KIFC1: variants seen among roughly 807,000 people sequenced by gnomAD.
KIFC1 encodes kinesin-like protein KIFC1.
In KIFC1, 37 loss-of-function variants were observed where a neutral mutation model predicts 66.6. The ratio of observed to expected loss-of-function variants is 0.56; its 90% CI spans 0.43 to 0.73. KIFC1 has a LOEUF of 0.73. KIFC1 is among the 30% of genes least tolerant of loss of function. The pLI is 0.00. For synonymous variants in KIFC1, 325 were observed against 343.5 expected (o/e 0.95, Z 0.60); for missense variants, 721 against 859.8 (o/e 0.84, Z 2.02).
Position 33,403,305 on chromosome 6 carries a change from C to G in KIFC1, c.251-9C>G, listed in dbSNP as rs376327627. The G allele has an allele frequency of 6.2e-7, 1 of 1,612,190 alleles. No homozygotes were observed. Among genetic ancestry groups the G allele is most frequent in the Non-Finnish European group, 8.5e-7 (1 of 1,179,254 alleles). On this transcript the variant is annotated splice_polypyrimidine_tract_variant and intron_variant, in intron 3 of 10. Transcript: ENST00000428849. The surrounding 1 kb of genome is among the most constrained non-coding windows in gnomAD (Gnocchi z 4.6). ...ATTCTACCTTTGCTCTCTCCCATCT[C>G]CTGGGCAGCTCAAAAAGTTTCCAAG...
Position 33,403,996 on chromosome 6 carries a change from A to G in KIFC1, c.623A>G (p.Asn208Ser). 6.2e-7 allele frequency: 1 copy of G among 1,614,218 alleles called. No individual in the cohort carries two copies. Among genetic ancestry groups the G allele is most frequent in the East Asian group, 2.2e-5 (1 of 44,878 alleles). The change falls in exon 6 of 11, where the codon AAC becomes AGC. Residue 208 changes from asparagine (N) to serine (S), a missense_variant. Transcript: ENST00000428849. This position sits in a 1 kb window ranked among gnomAD's most constrained non-coding sequence, Gnocchi z 4.6. ...GAGCAGGGCCAACAGGAGCTGAAGA[A>G]CTTGCGTGCTTGTGTCCTGGAGCTG... ...QAEQGQQELK[N>S]LRACVLELEE...
intron 10 of KIFC1, among the ~76,000 whole-genome samples, chr6:33,407,729 G>C (rs1775727086): frequency 6.6e-6 from 1 of 152,224 alleles, no homozygotes; most frequent in African/African-American, 2.4e-5. Flanking sequence ...AACCTCATGA[G>C]GGTCAGCCAG....
chr6:33,396,774 C>T (rs539782637), intron 1 of KIFC1, among the ~76,000 whole-genome samples: 263 of 151,606 alleles, frequency 1.7e-3, no homozygotes, highest in Non-Finnish European at 3.2e-3. Context: ...CTCCGCCTCC[C>T]GGGTTCACGC....
Position 33,406,924 on chromosome 6 carries a change from G to A in KIFC1, c.1977+49G>A. 6.2e-7 allele frequency: 1 copy of A among 1,611,802 alleles called. No individual in the cohort carries two copies. The highest frequency in any genetic ancestry group is 8.5e-7 in the Non-Finnish European group (1 of 1,178,940). ...TGTCAGGACCCGTGGGTGGTTGTAG[G>A]CTTCTCCATTCCAATCCCTTTTGTC... On this transcript the variant is annotated intron_variant, in intron 10 of 10. Coordinates refer to ENST00000428849, the MANE Select transcript of KIFC1 (RefSeq NM_002263.4). This position sits in a 1 kb window ranked among gnomAD's most constrained non-coding sequence, Gnocchi z 4.5.
rs1775649758 is a variant in KIFC1 at position 33,406,294 on chromosome 6, G to A, written c.1635G>A (p.Gln545=). ...GCAGCCACAGTGTATTCCAGCTACA[G>A]ATTTCTGGGGAGCACTCCAGCCGAG... ...SSRSHSVFQL[Q]ISGEHSSRGL... is the part of the protein sequence containing the mutation. The change falls in exon 8 of 11, where the codon CAG becomes CAA. Residue 545 remains glutamine (Q), a synonymous_variant. Coordinates refer to ENST00000428849, the MANE Select transcript of KIFC1 (RefSeq NM_002263.4). The surrounding 1 kb of genome is among the most constrained non-coding windows in gnomAD (Gnocchi z 4.5). The A allele has an allele frequency of 6.2e-7, 1 of 1,614,256 alleles. No individual in the cohort carries two copies. Among genetic ancestry groups the A allele is most frequent in the South Asian group, 1.1e-5 (1 of 91,084 alleles).
At chr6:33,402,223 A>G (rs1372834122) in intron 3 of KIFC1, among the ~76,000 whole-genome samples, 1 of 152,208 alleles carries the variant, frequency 6.6e-6, no homozygotes, top group Non-Finnish European at 1.5e-5. Flanking sequence ...TTATATCAGA[A>G]TCACCACAAA....
At chr6:33,399,038 T>C (rs1365143800) in intron 3 of KIFC1, among the ~76,000 whole-genome samples, 3 of 152,244 alleles carry the variant, frequency 2.0e-5, no homozygotes, top group African/African-American at 7.2e-5. Flanking sequence ...GGAGTACAGT[T>C]GGCCCTCTGT....
rs1044866439 is a variant in KIFC1, at chr6:33,400,907, T to C, written c.251-2407T>C. On this transcript the variant is annotated intron_variant, in intron 3 of 10. Coordinates refer to ENST00000428849, the MANE Select transcript of KIFC1 (RefSeq NM_002263.4). The surrounding 1 kb of genome is among the most constrained non-coding windows in gnomAD (Gnocchi z 4.3). ...GACCTCGTGATCTGCCTGCCTCAGC[T>C]TCCCAAAGTGTTGGGATTACAGGCG... Among the ~76,000 whole-genome samples, 1 of 151,924 alleles carries C rather than the reference T, an allele frequency of 6.6e-6. No individual in the cohort carries two copies. Among genetic ancestry groups the C allele is most frequent in the East Asian group, 2.0e-4 (1 of 5,086 alleles).
rs545493346 is a variant in KIFC1, at chr6:33,403,444, A to G, written c.305-41A>G. 1 of 1,611,144 alleles carries G rather than the reference A, an allele frequency of 6.2e-7. No homozygotes were observed. Among genetic ancestry groups the G allele is most frequent in the African/African-American group, 1.3e-5 (1 of 74,982 alleles). ...GGGAGAATGATGGAGGTGGAGGGAC[A>G]CTGGTCCTGTAATTCCTAAGTCACC... is the stretch of plus-strand genomic sequence containing the variant. On this transcript the variant is annotated intron_variant, in intron 4 of 10. Transcript: ENST00000428849. This position sits in a 1 kb window ranked among gnomAD's most constrained non-coding sequence, Gnocchi z 4.6.
chr6:33,396,964 A>C (rs894412595), intron 1 of KIFC1, among the ~76,000 whole-genome samples: 3 of 143,310 alleles, frequency 2.1e-5, no homozygotes, highest in Non-Finnish European at 4.5e-5. Flanking sequence ...TTATAGGCAT[A>C]AGCCACCGCG....
At chr6:33,398,786 A>G (rs1775224867) in intron 3 of KIFC1, among the ~76,000 whole-genome samples, 3 of 152,080 alleles carry the variant, frequency 2.0e-5, no homozygotes, top group Admixed American at 2.0e-4. Context: ...AGGTAATAAC[A>G]TTTCATTTGG....
rs1775828109 is a variant in KIFC1, at chr6:33,409,675, G to T, written c.2007G>T (p.Gln669His). Residue 669 changes from glutamine (Q) to histidine (H), a missense_variant, in exon 11 of 11, where the codon CAG becomes CAT. Physicochemically the swap from Gln to His is conservative, Grantham distance 24 (BLOSUM62 0). Coordinates refer to ENST00000428849, the MANE Select transcript of KIFC1 (RefSeq NM_002263.4). ...KVNQCVIGTA[Q>H]ANRK ...ACCAGTGTGTTATTGGTACTGCTCAGGCCAACAGGAAGTGAAGACGGATCC... is the reference window on the plus strand; with the variant it reads ...ACCAGTGTGTTATTGGTACTGCTCATGCCAACAGGAAGTGAAGACGGATCC... 1 of 1,609,060 alleles carries T rather than the reference G, an allele frequency of 6.2e-7. No homozygotes were observed. Among genetic ancestry groups the T allele is most frequent in the Non-Finnish European group, 8.5e-7 (1 of 1,178,486 alleles).
Position 33,406,577 on chromosome 6 carries a change from A to C in KIFC1, c.1828-15A>C. The C allele has an allele frequency of 6.2e-7, 1 of 1,614,030 alleles. No homozygotes were observed. The highest frequency in any genetic ancestry group is 8.5e-7 in the Non-Finnish European group (1 of 1,179,948). On this transcript the variant is annotated splice_polypyrimidine_tract_variant and intron_variant, in intron 8 of 10. Coordinates refer to ENST00000428849, the MANE Select transcript of KIFC1 (RefSeq NM_002263.4). The surrounding 1 kb of genome is among the most constrained non-coding windows in gnomAD (Gnocchi z 4.5). ...TGCCTATTCCTAAACATCTGTCCCC[A>C]CCTCAATCATCTAGGAGTCCCACGT...
chr6:33,409,498 A>G (rs995272847), intron 10 of KIFC1, 148 bp from the exon 11 acceptor site: 7 of 801,914 alleles, frequency 8.7e-6, no homozygotes, highest in Admixed American at 5.3e-5. Flanking sequence ...AGAACAAACC[A>G]TAACTGGCAC....
At position 33,404,811 on chromosome 6, in the gene KIFC1, G is replaced by A; in HGVS notation, c.757-41G>A. ...CCACAGTTTGTTCTTCTTCTTGGTT[G>A]CATCTTACCCTCTGTGTATGTTGTG... On this transcript the variant is annotated intron_variant, in intron 6 of 10. Transcript: ENST00000428849. The surrounding 1 kb of genome is among the most constrained non-coding windows in gnomAD (Gnocchi z 4.0). The A allele has an allele frequency of 1.3e-6, 2 of 1,534,606 alleles. No homozygotes were observed. The highest frequency in any genetic ancestry group is 1.8e-6 in the Non-Finnish European group (2 of 1,136,600).
In KIFC1 at chr6:33,398,251, G is replaced by T. The variant is rs536932436; in HGVS notation, c.151-37G>T. The stretch of plus-strand genomic sequence containing the variant: ...GAGAGAGAGAGTATAAACCATTAGG[G>T]AGGGTGACTATGGACCTTGTCTTTA... On this transcript the variant is annotated intron_variant, in intron 2 of 10. Transcript: ENST00000428849. 10 of 1,613,694 alleles carry T rather than the reference G, an allele frequency of 6.2e-6. No homozygotes were observed. The South Asian group carries it at 1.1e-4, about 18-fold the overall frequency.
Position 33,406,208 on chromosome 6 carries a change from C to T in KIFC1, c.1549C>T (p.Leu517Phe). ...VSCEKEVDAL[L>F]HLARQNRAVA... The stretch of plus-strand genomic sequence containing the variant: ...CTCCCATCCCCAGGTGGACGCCCTG[C>T]TTCATCTGGCCCGCCAGAATCGGGC... The change falls in exon 8 of 11, where the codon CTT (leucine) becomes TTT (phenylalanine). Residue 517 changes from leucine to phenylalanine, a missense_variant. Coordinates refer to ENST00000428849, the MANE Select transcript of KIFC1 (RefSeq NM_002263.4). The surrounding 1 kb of genome is among the most constrained non-coding windows in gnomAD (Gnocchi z 4.5). 1.9e-6 allele frequency: 3 copies of T among 1,605,728 alleles called. No individual in the cohort carries two copies. Among genetic ancestry groups the T allele is most frequent in the Non-Finnish European group, 2.6e-6 (3 of 1,173,958 alleles).
chr6:33,398,474 AT>A (rs9282515), intron 3 of KIFC1, 87 bp downstream of exon 3: 110 of 1,066,644 alleles, frequency 1.0e-4, no homozygotes, highest in Non-Finnish European at 1.3e-4. Flanking sequence ...ATTTTATTTT[AT>A]TTTTTTTGAG....
Position 33,406,579 on chromosome 6 carries a change from C to T in KIFC1, c.1828-13C>T, listed in dbSNP as rs1562839886. ...CCTATTCCTAAACATCTGTCCCCAC[C>T]TCAATCATCTAGGAGTCCCACGTGC... On this transcript the variant is annotated splice_polypyrimidine_tract_variant and intron_variant, in intron 8 of 10. Transcript: ENST00000428849. This position sits in a 1 kb window ranked among gnomAD's most constrained non-coding sequence, Gnocchi z 4.5. 1.9e-6 allele frequency: 3 copies of T among 1,614,036 alleles called. No individual in the cohort carries two copies. The East Asian group carries it at 6.7e-5, about 36-fold the overall frequency.
Sources: allele counts gnomAD v4.1 joint callset (sites outside exome capture counted in the v4.1 genomes callset), GRCh38; gene constraint gnomAD v4.1.1; non-coding constraint Gnocchi (gnomAD v3.1); transcripts MANE v1.5; gene names NCBI Gene and HGNC (gene_info 2026-07-23, HGNC 2026-07-21).